ADAMTS3: variants seen among roughly 807,000 people sequenced by gnomAD.
The protein encoded by ADAMTS3 is ADAM metallopeptidase with thrombospondin type 1 motif 3, also known as A disintegrin and metalloproteinase with thrombospondin motifs 3.
ADAMTS3 carries 73 observed loss-of-function variants against 129.0 expected under a neutral mutation model. That is an observed-to-expected ratio of 0.57 (90% CI 0.47 to 0.69). ADAMTS3 has a LOEUF of 0.69. Ranked by LOEUF, ADAMTS3 falls within the 30% of genes least tolerant of loss-of-function variation. The pLI is 0.00. For missense variants in ADAMTS3, 1,457 were observed against 1,514.5 expected (o/e 0.96, Z 0.63); for synonymous variants, 477 against 510.8 (o/e 0.93, Z 0.89).
intron 4 of ADAMTS3, among the ~76,000 whole-genome samples, chr4:72,406,080 G>A (rs1722043288): frequency 6.6e-6 from 1 of 152,080 alleles, no homozygotes; most frequent in African/African-American, 2.4e-5. Context: ...CTGTGAGAGA[G>A]GGCTGCTGAA....
At chr4:72,291,435 G>C (rs377159628) in intron 19 of ADAMTS3, among the ~76,000 whole-genome samples, 1 of 127,928 alleles carries the variant, frequency 7.8e-6, no homozygotes, top group Non-Finnish European at 1.5e-5. Flanking sequence ...AGAGTGTGAT[G>C]TTCCCCTTCC....
intron 2 of ADAMTS3, among the ~76,000 whole-genome samples, chr4:72,549,615 CATA>C (rs1329176349): frequency 1.3e-5 from 2 of 151,972 alleles, no homozygotes; most frequent in Non-Finnish European, 2.9e-5. Context: ...GTAAAGAAGA[CATA>C]ATAATCTTTA....
intron 4 of ADAMTS3, among the ~76,000 whole-genome samples, chr4:72,400,912 GACATATATATATATAC>G (rs1292375788): frequency 2.7e-5 from 4 of 148,066 alleles, no homozygotes; most frequent in Non-Finnish European, 6.0e-5. Flanking sequence ...ACATATATTG[GACATATATATATATAC>G]ACATATATAT....
chr4:72,515,002 C>A (rs958771841), intron 3 of ADAMTS3, among the ~76,000 whole-genome samples: 47 of 151,982 alleles, frequency 3.1e-4, no homozygotes, highest in African/African-American at 9.9e-4. Context: ...CACCCCACAA[C>A]AGTCCCCAGA....
At chr4:72,379,042 T>G (rs1721208907) in intron 4 of ADAMTS3, among the ~76,000 whole-genome samples, 1 of 152,150 alleles carries the variant, frequency 6.6e-6, no homozygotes, top group African/African-American at 2.4e-5. Context: ...CATGGCTGCT[T>G]ACTCTCTTCT....
chr4:72,291,182 C>A (rs980584857), intron 19 of ADAMTS3, 120 bp from the exon 20 acceptor site: 3 of 969,224 alleles, frequency 3.1e-6, no homozygotes, highest in Non-Finnish European at 4.6e-6. Flanking sequence ...GGGCACACTG[C>A]AGTTCAGGAA....
chr4:72,354,315 C>T (rs1349445739), intron 4 of ADAMTS3, among the ~76,000 whole-genome samples: 30 of 152,024 alleles, frequency 2.0e-4, no homozygotes, highest in Admixed American at 2.0e-3. Flanking sequence ...TGCTCCTTTA[C>T]AGATACTGAC....
At chr4:72,398,144 G>A (rs369756481) in intron 4 of ADAMTS3, among the ~76,000 whole-genome samples, 85 of 152,254 alleles carry the variant, frequency 5.6e-4, no homozygotes, top group African/African-American at 2.0e-3. Context: ...AGGTCTCTGC[G>A]GAAAACTATT....
At chr4:72,333,068 T>C (rs1719892185) in intron 5 of ADAMTS3, among the ~76,000 whole-genome samples, 2 of 152,194 alleles carry the variant, frequency 1.3e-5, no homozygotes, top group Admixed American at 1.3e-4. Flanking sequence ...TTCTTTCAGC[T>C]TCAATCTCTT....
intron 3 of ADAMTS3, chr4:72,441,892 T>G (rs2109960921): frequency 6.7e-6 from 1 of 149,798 alleles, no homozygotes; most frequent in South Asian, 2.1e-4. Flanking sequence ...GTTCCACAAC[T>G]TAATGACGTT....
intron 3 of ADAMTS3, among the ~76,000 whole-genome samples, chr4:72,484,441 C>T (rs1719523401): frequency 1.3e-5 from 2 of 152,100 alleles, no homozygotes. Flanking sequence ...ATACTTAAAG[C>T]AGGGTAAAAA....
intron 3 of ADAMTS3, among the ~76,000 whole-genome samples, chr4:72,501,440 A>G (rs1305012633): frequency 6.6e-6 from 1 of 152,140 alleles, no homozygotes; most frequent in Non-Finnish European, 1.5e-5. Context: ...ATATATAGAA[A>G]TGCTACTAAT....
At chr4:72,552,253 C>T (rs1234831460) in intron 2 of ADAMTS3, among the ~76,000 whole-genome samples, 1 of 152,132 alleles carries the variant, frequency 6.6e-6, no homozygotes, top group African/African-American at 2.4e-5. Flanking sequence ...TTCTCTTAGG[C>T]TCAGTTTCCT....
intron 3 of ADAMTS3, among the ~76,000 whole-genome samples, chr4:72,416,518 T>G (rs1036908217): frequency 1.3e-5 from 2 of 152,146 alleles, no homozygotes; most frequent in African/African-American, 4.8e-5. Flanking sequence ...AGCTTTCACT[T>G]AAAAGAGCAT....
intron 2 of ADAMTS3, among the ~76,000 whole-genome samples, chr4:72,551,462 T>C (rs1266505478): frequency 3.3e-5 from 5 of 152,148 alleles, no homozygotes; most frequent in Non-Finnish European, 7.4e-5. Context: ...AATAAATCAT[T>C]CCTAAAAAGT....
intron 4 of ADAMTS3, among the ~76,000 whole-genome samples, chr4:72,378,986 G>C (rs1721208021): frequency 6.6e-6 from 1 of 152,142 alleles, no homozygotes; most frequent in South Asian, 2.1e-4. Context: ...TCAGCTGCTA[G>C]AGACTTTCCT....
chr4:72,303,472 A>C (rs1386185133), intron 17 of ADAMTS3, among the ~76,000 whole-genome samples: 2 of 152,114 alleles, frequency 1.3e-5, no homozygotes, highest in East Asian at 3.9e-4. Flanking sequence ...TGAGGGTGAA[A>C]TAAAGATATT....
intron 4 of ADAMTS3, among the ~76,000 whole-genome samples, chr4:72,397,036 C>G: frequency 6.6e-6 from 1 of 152,122 alleles, no homozygotes; most frequent in African/African-American, 2.4e-5. Flanking sequence ...ATGCCCTCAT[C>G]ACCTCTCACC....
chr4:72,517,802 G>T (rs1449624640), intron 3 of ADAMTS3, among the ~76,000 whole-genome samples: 1 of 151,464 alleles, frequency 6.6e-6, no homozygotes, highest in South Asian at 2.1e-4. Context: ...TGGATTCATT[G>T]ATTTTTTGAA....
Sources: allele counts gnomAD v4.1 joint callset (sites outside exome capture counted in the v4.1 genomes callset), GRCh38; gene constraint gnomAD v4.1.1; transcripts MANE v1.5; gene names NCBI Gene and HGNC (gene_info 2026-07-23, HGNC 2026-07-21).